Variants in PTPRD observed in about 807,000 individuals in gnomAD.
PTPRD encodes protein tyrosine phosphatase receptor type D.
A neutral mutation model predicts 214.5 loss-of-function variants in PTPRD; 34 were observed. The observed-to-expected ratio is 0.16, with a 90% confidence interval of 0.12 to 0.21. PTPRD has a LOEUF of 0.21. PTPRD is among the 10% of genes least tolerant of loss of function. The pLI is 1.00. For synonymous variants in PTPRD, 1,128 were observed against 845.7 expected (o/e 1.33, Z -5.79); for missense variants, 2,545 against 2,398.7 (o/e 1.06, Z -1.27).
chr9:10,018,770 C>T (rs2096781414), intron 4 of PTPRD, among the ~76,000 whole-genome samples: 1 of 151,358 alleles, frequency 6.6e-6, no homozygotes, highest in East Asian at 1.9e-4. Context: ...GGGATGGTCT[C>T]GATCTCCTGA....
chr9:9,073,461 C>G (rs1470113085), intron 10 of PTPRD, among the ~76,000 whole-genome samples: 1 of 151,544 alleles, frequency 6.6e-6, no homozygotes. Flanking sequence ...AGATGTTACT[C>G]TAAGACTATT....
chr9:10,535,822 T>A (rs1209491761), intron 2 of PTPRD, among the ~76,000 whole-genome samples: 2 of 152,104 alleles, frequency 1.3e-5, no homozygotes, highest in African/African-American at 4.8e-5. Flanking sequence ...TGTAGGTGAA[T>A]CCAGGCATAT....
chr9:9,359,633 C>G (rs1009775499), intron 9 of PTPRD, among the ~76,000 whole-genome samples: 1 of 151,214 alleles, frequency 6.6e-6, no homozygotes, highest in African/African-American at 2.4e-5. Flanking sequence ...GGTATGAAAT[C>G]CTGAGCCCTG....
At chr9:9,916,231 A>C (rs1206533554) in intron 5 of PTPRD, among the ~76,000 whole-genome samples, 1 of 152,076 alleles carries the variant, frequency 6.6e-6, no homozygotes, top group East Asian at 1.9e-4. Context: ...TGTTCAAGAG[A>C]ATTGTAGCTC....
chr9:9,996,393 G>A (rs2096124023), intron 4 of PTPRD, among the ~76,000 whole-genome samples: 3 of 152,142 alleles, frequency 2.0e-5, no homozygotes, highest in African/African-American at 4.8e-5. Context: ...GTATGGGAGA[G>A]GCTGATAAAA....
At chr9:8,799,446 T>C (rs139702705) in intron 11 of PTPRD, among the ~76,000 whole-genome samples, 36 of 152,302 alleles carry the variant, frequency 2.4e-4, no homozygotes, top group African/African-American at 8.2e-4. Flanking sequence ...TTGGAAGATA[T>C]AAGCACTAAA....
intron 14 of PTPRD, among the ~76,000 whole-genome samples, chr9:8,589,803 C>T (rs903818948): frequency 2.0e-5 from 3 of 152,118 alleles, no homozygotes; most frequent in Admixed American, 2.0e-4. Context: ...CTGAACTGTG[C>T]CTACACAACC....
intron 9 of PTPRD, among the ~76,000 whole-genome samples, chr9:9,353,765 G>A (rs1457394481): frequency 4.0e-5 from 6 of 151,740 alleles, no homozygotes; most frequent in Non-Finnish European, 8.8e-5. Flanking sequence ...TTGCTGCCTG[G>A]TAGATTACCA....
At chr9:8,702,388 T>C (rs547319216) in intron 12 of PTPRD, among the ~76,000 whole-genome samples, 1 of 152,276 alleles carries the variant, frequency 6.6e-6, no homozygotes, top group Non-Finnish European at 1.5e-5. Context: ...TGGATCAGCA[T>C]AGTTGAGGTT....
chr9:10,437,113 T>A (rs1489351285), intron 2 of PTPRD, among the ~76,000 whole-genome samples: 1 of 151,720 alleles, frequency 6.6e-6, no homozygotes, highest in Non-Finnish European at 1.5e-5. Flanking sequence ...GAATGGTACA[T>A]TTACAGAACC....
chr9:9,513,649 T>A (rs1304497542), intron 8 of PTPRD, among the ~76,000 whole-genome samples: 1 of 151,580 alleles, frequency 6.6e-6, no homozygotes, highest in Non-Finnish European at 1.5e-5. Context: ...TTCCTGAATA[T>A]TCTTCTCCTT....
At chr9:8,745,343 T>C (rs952720793) in intron 11 of PTPRD, among the ~76,000 whole-genome samples, 3 of 152,202 alleles carry the variant, frequency 2.0e-5, no homozygotes, top group African/African-American at 4.8e-5. Context: ...TGAGGCGATG[T>C]CATGATTAAT....
chr9:10,605,898 A>C (rs990922015), intron 2 of PTPRD, among the ~76,000 whole-genome samples: 2 of 151,876 alleles, frequency 1.3e-5, no homozygotes, highest in East Asian at 3.9e-4. Context: ...CGTATTATGC[A>C]TATTGCATAA....
intron 3 of PTPRD, among the ~76,000 whole-genome samples, chr9:10,199,728 A>G (rs578241565): frequency 4.6e-5 from 7 of 152,080 alleles, no homozygotes; most frequent in East Asian, 3.9e-4. Flanking sequence ...TGAATTTCCA[A>G]CCCACCCAAG....
chr9:8,923,199 G>A (rs1329518208), intron 11 of PTPRD, among the ~76,000 whole-genome samples: 3 of 151,096 alleles, frequency 2.0e-5, no homozygotes, highest in South Asian at 2.1e-4. Flanking sequence ...CTGCCACCAC[G>A]CCCAGCTAAT....
intron 14 of PTPRD, among the ~76,000 whole-genome samples, chr9:8,564,939 T>C (rs1052045057): frequency 1.3e-5 from 2 of 152,128 alleles, no homozygotes; most frequent in Non-Finnish European, 2.9e-5. Context: ...AAAGAAATCA[T>C]GAGATTCTCA....
rs1563868169 is a variant in PTPRD at position 8,500,583 on chromosome 9, A to AAAAAAAAAAAAAAAG, written c.2128+170_2128+171insCTTTTTTTTTTTTTT. ...GAAAAAAAAAAAAAAAAAAAAAAAA[A>AAAAAAAAAAAAAAAG]AAAAAAAGGCCAGGCTGTAGCAAAG... On this transcript the variant is annotated intron_variant, in intron 24 of 45. Transcript: ENST00000381196. Among the ~76,000 whole-genome samples, 48 of 146,308 alleles carry AAAAAAAAAAAAAAAG rather than the reference A, an allele frequency of 3.3e-4. 1 individual carries two copies. The highest frequency in any genetic ancestry group is 8.7e-4 in the African/African-American group (34 of 39,280).
At chr9:10,539,849 C>T (rs1184570919) in intron 2 of PTPRD, among the ~76,000 whole-genome samples, 2 of 152,162 alleles carry the variant, frequency 1.3e-5, no homozygotes, top group Non-Finnish European at 2.9e-5. Flanking sequence ...GTGGCATCAT[C>T]AATCTTGACA....
At chr9:9,201,307 T>C (rs1294806537) in intron 9 of PTPRD, among the ~76,000 whole-genome samples, 1 of 152,162 alleles carries the variant, frequency 6.6e-6, no homozygotes, top group Admixed American at 6.6e-5. Context: ...AACTCTTGTG[T>C]TTGCATTTTG....
Sources: allele counts gnomAD v4.1 joint callset (sites outside exome capture counted in the v4.1 genomes callset), GRCh38; gene constraint gnomAD v4.1.1; transcripts MANE v1.5; gene names NCBI Gene and HGNC (gene_info 2026-07-23, HGNC 2026-07-21).